The following DENND5B variants were observed in gnomAD, a reference collection of about 807,000 sequenced individuals.
The protein encoded by DENND5B is DENN domain-containing protein 5B.
In DENND5B, 34 loss-of-function variants were observed where a neutral mutation model predicts 140.6. The ratio of observed to expected loss-of-function variants is 0.24; its 90% confidence interval spans 0.18 to 0.32. The LOEUF (loss-of-function observed/expected upper bound fraction) is 0.32. Among genes scored for constraint, DENND5B ranks in the 10% least tolerant of loss-of-function variants. The pLI, the probability that DENND5B is intolerant of heterozygous loss-of-function variation, is 1.00. For missense variants in DENND5B, 1,142 were observed against 1,560.2 expected (o/e 0.73, Z 4.52); for synonymous variants, 551 against 562.1 (o/e 0.98, Z 0.28).
intron 9 of DENND5B, among the ~76,000 whole-genome samples, chr12:31,424,965 A>C (rs1943170414): frequency 6.6e-6 from 1 of 152,212 alleles, no homozygotes; most frequent in African/African-American, 2.4e-5. Context: ...TATATACAAC[A>C]GTTGTCAAAT....
chr12:31,587,770 C>T lies in DENND5B; in HGVS notation c.127+2936G>A, dbSNP rs141359361. Reference sequence around the variant, plus strand: ...CCATATTGGCCAGGCTGGTCTTGAACTCCTGACCTCAAGTGATCCACCTGC... The same window carrying T: ...CCATATTGGCCAGGCTGGTCTTGAATTCCTGACCTCAAGTGATCCACCTGC... On this transcript the variant is annotated intron_variant, in intron 1 of 20. Coordinates refer to ENST00000389082, the MANE Select transcript of DENND5B (RefSeq NM_144973.4). 5.0e-3 allele frequency among the ~76,000 whole-genome samples: 765 copies of T among 152,144 alleles called. 3 individuals are homozygous for T. Among genetic ancestry groups the T allele is most frequent in the Middle Eastern group, 6.8e-3 (2 of 294 alleles).
chr12:31,556,161 T>C (rs1388447454), intron 1 of DENND5B, among the ~76,000 whole-genome samples: 1 of 152,204 alleles, frequency 6.6e-6, no homozygotes, highest in Non-Finnish European at 1.5e-5. Context: ...CAATGGGAGC[T>C]GTAGACTGGA....
chr12:31,553,997 T>C (rs11051462), intron 1 of DENND5B, among the ~76,000 whole-genome samples: 61,227 of 151,386 alleles, frequency 0.4, 12,795 homozygotes, highest in East Asian at 0.57. Flanking sequence ...AGCACACTGA[T>C]GGGTCTTGAC....
intron 13 of DENND5B, among the ~76,000 whole-genome samples, chr12:31,412,984 G>A (rs1339928500): frequency 1.3e-5 from 2 of 151,908 alleles, no homozygotes; most frequent in Admixed American, 6.6e-5. Context: ...GCAGTGACAT[G>A]ATCTCAGCTC....
chr12:31,499,506 GACC>G, intron 1 of DENND5B: 1 of 970,428 alleles, frequency 1.0e-6, no homozygotes, highest in Non-Finnish European at 1.4e-6. Flanking sequence ...CTACAAGTCT[GACC>G]AAGCAAAACT....
chr12:31,410,029 T>C (rs1248283453), intron 13 of DENND5B, among the ~76,000 whole-genome samples: 1 of 152,210 alleles, frequency 6.6e-6, no homozygotes, highest in Non-Finnish European at 1.5e-5. Context: ...TTCATAAAAA[T>C]GGATATATAA....
chr12:31,402,089 AT>A (rs1400245546), intron 15 of DENND5B, among the ~76,000 whole-genome samples: 9 of 149,534 alleles, frequency 6.0e-5, no homozygotes, highest in Non-Finnish European at 1.2e-4. Context: ...AAAAAAAAAA[AT>A]CCATAAGCAT....
rs1416016317 is a variant in DENND5B at position 31,386,750 on chromosome 12, A to C, written c.*853T>G. 1 of 152,220 alleles carries C rather than the reference A, an allele frequency of 6.6e-6. No individual in the cohort carries two copies. Among genetic ancestry groups the C allele is most frequent in the African/African-American group, 2.4e-5 (1 of 41,464 alleles). 9.4% of individuals were successfully genotyped at this position (152,220 alleles called of 1,614,324 possible). A position where few individuals can be genotyped will look rare whatever the true frequency, so the allele number is the denominator to read the frequency against. ...TTAGATGGCCAAATTAAAAGTACAG[A>C]ATCAAATTGCTGTTTGCAGTTCTTA... On this transcript the variant is annotated 3_prime_UTR_variant, in exon 21 of 21. Coordinates refer to ENST00000389082, the MANE Select transcript of DENND5B (RefSeq NM_144973.4).
rs1412054757 is a variant in DENND5B at position 31,453,782 on chromosome 12, C to A, written c.1093-1306G>T. Among the ~76,000 whole-genome samples, 158 of 152,100 alleles carry A rather than the reference C, an allele frequency of 1.0e-3. 1 individual carries two copies. The highest frequency in any genetic ancestry group is 8.8e-5 in the Non-Finnish European group (6 of 68,024). The stretch of plus-strand genomic sequence containing the variant: ...GGGTCTTTGTTTTTCTCTTTTGATC[C>A]TTGCTCTTCATGTTAGATACCAATT... On this transcript the variant is annotated intron_variant, in intron 4 of 20. Coordinates refer to ENST00000389082, the MANE Select transcript of DENND5B (RefSeq NM_144973.4).
In DENND5B at chr12:31,452,024, T is replaced by C. The variant is rs745619539; in HGVS notation, c.1545A>G (p.Ala515=). 3.7e-6 allele frequency: 6 copies of C among 1,613,786 alleles called. No homozygotes were observed. Among genetic ancestry groups the C allele is most frequent in the Non-Finnish European group, 5.1e-6 (6 of 1,179,846 alleles). The change falls in exon 5 of 21, where the codon GCA becomes GCG. Residue 515 remains alanine, a synonymous_variant. Coordinates refer to ENST00000389082, the MANE Select transcript of DENND5B (RefSeq NM_144973.4). ...TCTGAATGACAAATGCTTCGTAATC[T>C]GCAAACATCTGTGTAAAACGGTTAG... ...VFANRFTQMF[A]DYEAFVIQTA...
chr12:31,582,845 T>C (rs1046970087), intron 1 of DENND5B, among the ~76,000 whole-genome samples: 4 of 152,254 alleles, frequency 2.6e-5, no homozygotes, highest in African/African-American at 9.6e-5. Flanking sequence ...ATACAGCATA[T>C]GTTACTAGGG....
intron 1 of DENND5B, chr12:31,535,179 G>T: frequency 3.4e-6 from 1 of 293,746 alleles, no homozygotes; most frequent in Non-Finnish European, 6.5e-6. Flanking sequence ...TGCAAGTACT[G>T]TGCAGGGGTG....
chr12:31,424,041 A>T (rs1317931992), intron 10 of DENND5B, among the ~76,000 whole-genome samples: 1 of 152,200 alleles, frequency 6.6e-6, no homozygotes, highest in Non-Finnish European at 1.5e-5. Flanking sequence ...ACTTGTGTAC[A>T]TCTACATGTA....
intron 1 of DENND5B, among the ~76,000 whole-genome samples, chr12:31,540,234 A>G (rs1374207052): frequency 1.3e-5 from 2 of 152,248 alleles, no homozygotes; most frequent in Non-Finnish European, 2.9e-5. Context: ...AAAAAACTGG[A>G]AAGACATTCC....
At chr12:31,410,385 G>A (rs1422100911) in intron 13 of DENND5B, among the ~76,000 whole-genome samples, 1 of 152,050 alleles carries the variant, frequency 6.6e-6, no homozygotes, top group Non-Finnish European at 1.5e-5. Flanking sequence ...GTCTATTAGT[G>A]CCTTTTTATT....
chr12:31,473,503 C>T (rs1397680317), intron 3 of DENND5B, among the ~76,000 whole-genome samples: 2 of 152,166 alleles, frequency 1.3e-5, no homozygotes, highest in Admixed American at 6.5e-5. Flanking sequence ...ATTGCCTGAG[C>T]TCACGCAGTG....
chr12:31,477,368 T>C (rs1333642250), intron 3 of DENND5B: 1 of 152,130 alleles, frequency 6.6e-6, no homozygotes, highest in Non-Finnish European at 1.5e-5. Context: ...GAGAATTACT[T>C]AAGGTAAAAT....
rs113142726 is a variant in DENND5B at position 31,437,806 on chromosome 12, A to G, written c.2013-4558T>C. Among the ~76,000 whole-genome samples, 191 of 152,330 alleles carry G rather than the reference A, an allele frequency of 1.3e-3. 2 individuals are homozygous for G. The highest frequency in any genetic ancestry group is 4.0e-3 in the African/African-American group (168 of 41,572). On this transcript the variant is annotated intron_variant, in intron 7 of 20. Coordinates refer to ENST00000389082, the MANE Select transcript of DENND5B (RefSeq NM_144973.4). ...ATGAGAATGCTAATGATACAGTAAT[A>G]AAAAAGGTATAACATTCTATAAACA...
chr12:31,470,129 C>G, intron 3 of DENND5B, among the ~76,000 whole-genome samples: 1 of 127,538 alleles, frequency 7.8e-6, no homozygotes, highest in Non-Finnish European at 1.6e-5. Flanking sequence ...TTTTTTTTTT[C>G]TTTGGAGATG....
Sources: gnomAD v4.1 joint callset for allele counts (sites outside exome capture counted in the v4.1 genomes callset) on GRCh38, gnomAD v4.1.1 for gene constraint, MANE v1.5 for transcripts, NCBI Gene and HGNC (gene_info 2026-07-23, HGNC 2026-07-21) for gene names.